The following MAP4K4 variants were observed in gnomAD, a reference collection of about 807,000 sequenced individuals.
MAP4K4 encodes the protein HPK/GCK-like kinase HGK.
MAP4K4 carries 38 observed loss-of-function variants against 189.6 expected under a neutral mutation model. The observed-to-expected ratio is 0.20, with a 90% CI of 0.15 to 0.26. MAP4K4 has a LOEUF of 0.26. MAP4K4 is among the 10% of genes least tolerant of loss of function. The pLI is 1.00. For synonymous variants in MAP4K4, 610 were observed against 624.3 expected (o/e 0.98, Z 0.34); for missense variants, 1,054 against 1,726.9 (o/e 0.61, Z 6.91).
At chr2:101,716,065 C>T (rs1174149616) in intron 2 of MAP4K4, among the ~76,000 whole-genome samples, 1 of 152,182 alleles carries the variant, frequency 6.6e-6, no homozygotes, top group Non-Finnish European at 1.5e-5. Flanking sequence ...GAAAAAGTTT[C>T]TTCATGAAAC....
At chr2:101,851,842 A>G (rs1576767767) in intron 12 of MAP4K4, among the ~76,000 whole-genome samples, 2 of 140,946 alleles carry the variant, frequency 1.4e-5, no homozygotes, top group East Asian at 4.5e-4. Context: ...CACTTTCCAC[A>G]TTGTCTTCTA....
intron 2 of MAP4K4, among the ~76,000 whole-genome samples, chr2:101,730,055 CA>C (rs1484139305): frequency 6.6e-6 from 1 of 152,182 alleles, no homozygotes; most frequent in African/African-American, 2.4e-5. Context: ...AGAGTTAGTC[CA>C]GGGGCCCTCT....
intron 2 of MAP4K4, among the ~76,000 whole-genome samples, chr2:101,759,171 G>A (rs1185731131): frequency 1.3e-5 from 2 of 150,764 alleles, no homozygotes; most frequent in Non-Finnish European, 2.9e-5. Flanking sequence ...TTGCCATTTC[G>A]TTTTGGGGTT....
intron 2 of MAP4K4, among the ~76,000 whole-genome samples, chr2:101,752,065 G>A (rs2069359586): frequency 6.6e-6 from 1 of 152,150 alleles, no homozygotes; most frequent in South Asian, 2.1e-4. Context: ...GGGGCTGGTG[G>A]GGGAGAGCAG....
intron 2 of MAP4K4, among the ~76,000 whole-genome samples, chr2:101,699,789 G>C (rs536409937): frequency 6.6e-6 from 1 of 152,298 alleles, no homozygotes; most frequent in Admixed American, 6.5e-5. Context: ...ATTCTTAGGT[G>C]ATCTCAAGTG....
Position 101,776,596 on chromosome 2 carries a change from A to C in MAP4K4, c.124-14124A>C, listed in dbSNP as rs1354540005. Among the ~76,000 whole-genome samples, 164 of 110,874 alleles carry C rather than the reference A, an allele frequency of 1.5e-3. 1 individual carries two copies. Among genetic ancestry groups the C allele is most frequent in the African/African-American group, 4.8e-3 (146 of 30,202 alleles). The allele number at this position is 110,874 out of a possible 152,430, so 72.7% of individuals were successfully genotyped here. On this transcript the variant is annotated intron_variant, in intron 2 of 32. Transcript: ENST00000324219. ...CACCCCCCCACCCCCCCAAAAAAAA[A>C]CACTATGGAAAATGTTAGGTACAAT...
exon 16 of MAP4K4, chr2:101,860,900 C>T (rs368035914): frequency 6.2e-7 from 1 of 1,608,338 alleles, no homozygotes; most frequent in African/African-American, 1.3e-5. Context: ...AGTATTGGAG[C>T]CACCAGTGCC....
chr2:101,850,835 T>A (rs1375242445), intron 12 of MAP4K4, among the ~76,000 whole-genome samples: 2 of 152,200 alleles, frequency 1.3e-5, no homozygotes, highest in African/African-American at 4.8e-5. Flanking sequence ...ATACGTGATT[T>A]ATTACCTAAA....
At chr2:101,745,840 C>CTT (rs1228923462) in intron 2 of MAP4K4, among the ~76,000 whole-genome samples, 5 of 143,776 alleles carry the variant, frequency 3.5e-5, no homozygotes, top group African/African-American at 1.3e-4. Flanking sequence ...TTGTTGCCTA[C>CTT]TTTTTTTTTT....
At chr2:101,873,756 C>T (rs754162383) in exon 25 of MAP4K4, 3 of 1,596,206 alleles carry the variant, frequency 1.9e-6, no homozygotes, top group Middle Eastern at 1.7e-4. Flanking sequence ...ACAACAGTGA[C>T]ATCTGTGGGT....
At chr2:101,833,386 C>T (rs770137379) in intron 7 of MAP4K4, among the ~76,000 whole-genome samples, 17 of 151,512 alleles carry the variant, frequency 1.1e-4, no homozygotes, top group African/African-American at 1.9e-4. Flanking sequence ...TTTGGGAGGC[C>T]GAGGCGGGTG....
intron 2 of MAP4K4, among the ~76,000 whole-genome samples, chr2:101,777,737 C>T (rs944201195): frequency 6.6e-6 from 1 of 152,048 alleles, no homozygotes; most frequent in Non-Finnish European, 1.5e-5. Context: ...GCTTATATAC[C>T]CCTTCAAGAA....
intron 2 of MAP4K4, among the ~76,000 whole-genome samples, chr2:101,773,346 G>A (rs936277476): frequency 8.5e-5 from 13 of 152,234 alleles, no homozygotes; most frequent in African/African-American, 2.9e-4. Flanking sequence ...CTGTTGAGGG[G>A]CCTCTCACTG....
At chr2:101,741,505 A>G (rs566739080) in intron 2 of MAP4K4, among the ~76,000 whole-genome samples, 2 of 152,216 alleles carry the variant, frequency 1.3e-5, no homozygotes, top group African/African-American at 2.4e-5. Flanking sequence ...CGCAGACTCC[A>G]TGTTAATGAA....
At chr2:101,852,791 C>A (rs1379764043) in intron 12 of MAP4K4, among the ~76,000 whole-genome samples, 1 of 152,088 alleles carries the variant, frequency 6.6e-6, no homozygotes, top group African/African-American at 2.4e-5. Flanking sequence ...CATCCCCTGC[C>A]CCCAGCAGGT....
intron 4 of MAP4K4, 92 bp from the exon 5 acceptor site, chr2:101,825,227 G>C: frequency 1.5e-6 from 1 of 676,136 alleles, no homozygotes; most frequent in South Asian, 1.9e-5. Context: ...CACGTTTCTA[G>C]GTCTTTAGAA....
rs147890300 is a variant in MAP4K4, at chr2:101,754,413, G to A, written c.124-36307G>A. Among the ~76,000 whole-genome samples the A allele has an allele frequency of 6.6e-3, 922 of 138,836 alleles. 10 individuals are homozygous for A. Among genetic ancestry groups the A allele is most frequent in the African/African-American group, 0.017 (619 of 36,760 alleles). 91.1% of individuals were successfully genotyped at this position (138,836 alleles called of 152,430 possible). A position where few individuals can be genotyped will look rare whatever the true frequency, so the allele number is the denominator to read the frequency against. On this transcript the variant is annotated intron_variant, in intron 2 of 32. Transcript: ENST00000324219. ...GTCACCCAGGCTGGAGTGCAGTGGC[G>A]TGATCTCAGCTCACTGCAATCTCCA...
intron 2 of MAP4K4, among the ~76,000 whole-genome samples, chr2:101,789,387 G>A (rs1454184550): frequency 6.6e-6 from 1 of 152,152 alleles, no homozygotes; most frequent in Non-Finnish European, 1.5e-5. Context: ...CTGACCATGT[G>A]CCACACAATG....
At chr2:101,754,106 T>TA (rs1009471898) in intron 2 of MAP4K4, among the ~76,000 whole-genome samples, 24 of 152,172 alleles carry the variant, frequency 1.6e-4, no homozygotes, top group African/African-American at 5.5e-4. Flanking sequence ...TTTTCAGTGT[T>TA]AGACACTAGT....
Sources: gnomAD v4.1 joint callset for allele counts (sites outside exome capture counted in the v4.1 genomes callset) on GRCh38, gnomAD v4.1.1 for gene constraint, MANE v1.5 for transcripts, NCBI Gene and HGNC (gene_info 2026-07-23, HGNC 2026-07-21) for gene names.